TAF4: variants seen among roughly 807,000 people sequenced by gnomAD.
TAF4 encodes transcription initiation factor TFIID subunit 4.
A neutral mutation model predicts 90.3 loss-of-function variants in TAF4; 9 were observed. The ratio of observed to expected loss-of-function variants is 0.10; its 90% CI spans 0.06 to 0.17. The LOEUF (loss-of-function observed/expected upper bound fraction) is 0.17. TAF4 is among the 10% of genes least tolerant of loss of function. The pLI is 1.00. For missense variants in TAF4, 1,351 were observed against 1,370.7 expected (o/e 0.99, Z 0.23); for synonymous variants, 818 against 638.9 (o/e 1.28, Z -4.23).
intron 9 of TAF4, among the ~76,000 whole-genome samples, chr20:62,001,150 A>G (rs2055698914): frequency 6.6e-6 from 1 of 152,142 alleles, no homozygotes; most frequent in South Asian, 2.1e-4. Flanking sequence ...TGCTAACCTG[A>G]CTTTCCTCCA....
rs543644975 is a variant in TAF4, at chr20:62,024,142, G to A, written c.1361-9435C>T. Among the ~76,000 whole-genome samples the A allele has an allele frequency of 1.2e-4, 18 of 152,274 alleles. No homozygotes were observed. In the South Asian group the frequency reaches 1.5e-3, roughly 12 times the overall value. On this transcript the variant is annotated intron_variant, in intron 1 of 14. Coordinates refer to ENST00000252996, the MANE Select transcript of TAF4 (RefSeq NM_003185.4). The stretch of plus-strand genomic sequence containing the variant: ...CAAAGTTAAACAGATCAACACGGCC[G>A]TGCAGAGTCCACAAGCAGGCCCACA...
At position 61,975,797 on chromosome 20, in the gene TAF4, C is replaced by A. The variant is rs550393211; in HGVS notation, c.*371G>T. On this transcript the variant is annotated 3_prime_UTR_variant, in exon 15 of 15. Coordinates refer to ENST00000252996, the MANE Select transcript of TAF4 (RefSeq NM_003185.4). The stretch of plus-strand genomic sequence containing the variant: ...AATGAGGTCATCGGCTGTAGACATA[C>A]ACCTACATAGTAAGTTAGGTAGAAC... 4.5e-6 allele frequency: 1 copy of A among 223,952 alleles called. No individual in the cohort carries two copies. The highest frequency in any genetic ancestry group is 8.9e-6 in the Non-Finnish European group (1 of 112,022). The allele number at this position is 223,952 out of a possible 1,614,324, so 13.9% of individuals were successfully genotyped here.
intron 1 of TAF4, among the ~76,000 whole-genome samples, chr20:62,033,407 G>GC (rs2055915037): frequency 6.6e-6 from 1 of 152,202 alleles, no homozygotes; most frequent in Admixed American, 6.5e-5. Flanking sequence ...AATATCCCCT[G>GC]CCCCAAGAAA....
chr20:62,051,403 G>C (rs1017622639), intron 1 of TAF4, among the ~76,000 whole-genome samples: 3 of 152,018 alleles, frequency 2.0e-5, no homozygotes, highest in African/African-American at 7.2e-5. Flanking sequence ...CCTCTCACAC[G>C]ATACTCCTGT....
intron 2 of TAF4, among the ~76,000 whole-genome samples, chr20:62,014,032 G>GTGTGTGTGTGTGTGTGTA (rs1555875784): frequency 1.4e-5 from 2 of 145,126 alleles, no homozygotes; most frequent in East Asian, 5.0e-4. Context: ...GTGTGTGTGT[G>GTGTGTGTGTGTGTGTGTA]TGTGTGTGTG....
intron 1 of TAF4, among the ~76,000 whole-genome samples, chr20:62,043,511 C>A (rs193155506): frequency 6.6e-6 from 1 of 152,122 alleles, no homozygotes; most frequent in African/African-American, 2.4e-5. Flanking sequence ...GCATAGAGTG[C>A]CCCAGAGCCT....
intron 1 of TAF4, among the ~76,000 whole-genome samples, chr20:62,061,858 C>T (rs1047011281): frequency 8.5e-5 from 13 of 152,232 alleles, no homozygotes; most frequent in African/African-American, 1.2e-4. Flanking sequence ...ACAACACTGT[C>T]CTGACAAAGA....
At chr20:62,040,372 G>A (rs925666278) in intron 1 of TAF4, among the ~76,000 whole-genome samples, 1 of 152,228 alleles carries the variant, frequency 6.6e-6, no homozygotes, top group South Asian at 2.1e-4. Context: ...GGCCAGATGT[G>A]AGGCTCCCAC....
intron 1 of TAF4, among the ~76,000 whole-genome samples, chr20:62,017,006 G>C (rs1378846366): frequency 6.6e-6 from 1 of 152,070 alleles, no homozygotes; most frequent in African/African-American, 2.4e-5. Context: ...AGCCAGGCGT[G>C]GTGGCACACC....
At chr20:61,985,946 C>G (rs62207109) in intron 14 of TAF4, among the ~76,000 whole-genome samples, 211 of 110,932 alleles carry the variant, frequency 1.9e-3, no homozygotes, top group African/African-American at 3.7e-3. Flanking sequence ...ACCAAAGGAA[C>G]CACCATCCCC....
At chr20:62,056,066 G>A (rs4925219) in intron 1 of TAF4, among the ~76,000 whole-genome samples, 79,074 of 151,916 alleles carry the variant, frequency 0.52, 21,105 homozygotes, top group Middle Eastern at 0.66. Context: ...GTGAAACCCC[G>A]TCACTACTAA....
intron 1 of TAF4, among the ~76,000 whole-genome samples, chr20:62,046,235 G>T (rs1235972256): frequency 6.6e-6 from 1 of 152,232 alleles, no homozygotes; most frequent in Non-Finnish European, 1.5e-5. Context: ...CTGAAATACA[G>T]TTTACATAAA....
At chr20:62,033,489 C>A (rs2055915384) in intron 1 of TAF4, among the ~76,000 whole-genome samples, 1 of 152,158 alleles carries the variant, frequency 6.6e-6, no homozygotes, top group African/African-American at 2.4e-5. Flanking sequence ...GTAATCCCAG[C>A]ACTTTGGGAG....
chr20:62,038,130 G>A (rs547565228), intron 1 of TAF4, among the ~76,000 whole-genome samples: 175 of 152,106 alleles, frequency 1.2e-3, no homozygotes, highest in Non-Finnish European at 1.8e-3. Flanking sequence ...CCAGGTTCAT[G>A]CCATTCTCCT....
chr20:62,033,264 G>A (rs1226295190), intron 1 of TAF4, among the ~76,000 whole-genome samples: 2 of 152,226 alleles, frequency 1.3e-5, no homozygotes, highest in African/African-American at 4.8e-5. Context: ...GCCAAGATGC[G>A]TGTGTGGCAG....
chr20:62,065,453 C>T lies in TAF4; in HGVS notation c.358G>A (p.Ala120Thr), dbSNP rs2056124994. Residue 120 changes from alanine to threonine, a missense_variant, in exon 1 of 15, where the codon GCG becomes ACG. By Grantham distance (58) the Ala-to-Thr change is moderately conservative (BLOSUM62 0). Transcript: ENST00000252996. Reference protein sequence around the residue: ...PRRPLVPAGPAPPAAKLRPPP... With the variant: ...PRRPLVPAGPTPPAAKLRPPP... ...GGCCTCAGCTTCGCGGCGGGCGGCG[C>T]GGGCCCTGCGGGGACAAGGGGGCGG... 6.2e-6 allele frequency: 6 copies of T among 975,366 alleles called. No individual in the cohort carries two copies. The South Asian group carries it at 2.7e-4, about 45-fold the overall frequency. 60.4% of individuals were successfully genotyped at this position (975,366 alleles called of 1,614,324 possible).
At position 62,054,311 on chromosome 20, in the gene TAF4, C is replaced by G. The variant is rs549900560; in HGVS notation, c.1360+10140G>C. On this transcript the variant is annotated intron_variant, in intron 1 of 14. Transcript: ENST00000252996. The stretch of plus-strand genomic sequence containing the variant: ...AGCTGGTCACCTCTGTGAGCCTCAG[C>G]GTCTCTGTGGAAGGGGACTCTCTTC... Among the ~76,000 whole-genome samples, 17 of 152,282 alleles carry G rather than the reference C, an allele frequency of 1.1e-4. No individual in the cohort carries two copies. In the East Asian group the frequency reaches 3.1e-3, roughly 28 times the overall value.
chr20:62,033,927 T>G lies in TAF4; in HGVS notation c.1361-19220A>C, dbSNP rs139301718. Reference sequence around the variant, plus strand: ...CATGGTGGCAGGCGCCTGTAGTCCCTACTACTTGGGAGGCTGAGGCAGGAG... The same window carrying G: ...CATGGTGGCAGGCGCCTGTAGTCCCGACTACTTGGGAGGCTGAGGCAGGAG... On this transcript the variant is annotated intron_variant, in intron 1 of 14. Coordinates refer to ENST00000252996, the MANE Select transcript of TAF4 (RefSeq NM_003185.4). Among the ~76,000 whole-genome samples the G allele has an allele frequency of 8.8e-3, 1,310 of 149,346 alleles. 20 individuals are homozygous for G. The highest frequency in any genetic ancestry group is 0.031 in the African/African-American group (1,236 of 40,422).
intron 1 of TAF4, among the ~76,000 whole-genome samples, chr20:62,050,653 G>A (rs2056021681): frequency 6.6e-6 from 1 of 152,178 alleles, no homozygotes; most frequent in Non-Finnish European, 1.5e-5. Flanking sequence ...GAGAGCCACA[G>A]GGCTCCGGAA....
Sources: allele counts gnomAD v4.1 joint callset (sites outside exome capture counted in the v4.1 genomes callset), GRCh38; gene constraint gnomAD v4.1.1; transcripts MANE v1.5; gene names NCBI Gene and HGNC (gene_info 2026-07-23, HGNC 2026-07-21).